NOL4: variants seen among roughly 807,000 people sequenced by gnomAD.
The protein encoded by NOL4 is nucleolar protein 4.
Under a neutral mutation model 75.9 loss-of-function variants are expected in NOL4, and 17 were observed. That is an observed-to-expected ratio of 0.22 (90% CI 0.15 to 0.34). NOL4 has a LOEUF of 0.34. Among genes scored for constraint, NOL4 ranks in the 10% least tolerant of loss-of-function variants. The pLI, the probability that NOL4 is intolerant of heterozygous loss-of-function variation, is 1.00. For missense variants in NOL4, 614 were observed against 793.5 expected (o/e 0.77, Z 2.72); for synonymous variants, 292 against 289.9 (o/e 1.01, Z -0.07).
rs1404819997 is a variant in NOL4 at position 34,223,071 on chromosome 18, G to A, written c.183C>T (p.Gly61=). ...CCTCGTCCGGCTGGCCCAGCTGGAAGCCCTTCGATTTGACCCAGAATTTAA... is the reference window on the plus strand; with the variant it reads ...CCTCGTCCGGCTGGCCCAGCTGGAAACCCTTCGATTTGACCCAGAATTTAA... The part of the protein sequence containing the change: ...AKFKFWVKSK[G]FQLGQPDEVR... The change falls in exon 1 of 11, where the codon GGC becomes GGT. Residue 61 remains glycine, a synonymous_variant. Transcript: ENST00000261592. The A allele has an allele frequency of 6.2e-7, 1 of 1,614,114 alleles. No individual in the cohort carries two copies. The highest frequency in any genetic ancestry group is 1.1e-5 in the South Asian group (1 of 91,084).
intron 9 of NOL4, among the ~76,000 whole-genome samples, chr18:33,924,646 C>T (rs1372794339): frequency 2.0e-5 from 3 of 152,180 alleles, no homozygotes; most frequent in Non-Finnish European, 4.4e-5. Flanking sequence ...AAAGGCAATG[C>T]TGTTTTATTC....
intron 9 of NOL4, among the ~76,000 whole-genome samples, chr18:33,933,703 C>T (rs958282561): frequency 1.8e-4 from 28 of 152,162 alleles, no homozygotes; most frequent in Non-Finnish European, 1.0e-4. Context: ...AATTCAGTCA[C>T]ATCTTCAGGC....
intron 6 of NOL4, among the ~76,000 whole-genome samples, chr18:34,005,651 C>T (rs1349342595): frequency 6.6e-6 from 1 of 152,070 alleles, no homozygotes; most frequent in Non-Finnish European, 1.5e-5. Context: ...CTGTCTCTTG[C>T]ATCCTCAAAC....
intron 8 of NOL4, among the ~76,000 whole-genome samples, chr18:33,956,263 C>T (rs2069638908): frequency 6.6e-6 from 1 of 152,132 alleles, no homozygotes; most frequent in African/African-American, 2.4e-5. Flanking sequence ...TTAATGGTTA[C>T]TTAACTCATT....
intron 5 of NOL4, among the ~76,000 whole-genome samples, chr18:34,030,079 T>C (rs867016622): frequency 1.3e-5 from 2 of 152,218 alleles, no homozygotes; most frequent in African/African-American, 2.4e-5. Flanking sequence ...TTCATTTATA[T>C]AATGAGTCCT....
intron 10 of NOL4, among the ~76,000 whole-genome samples, chr18:33,882,551 AAAC>A: frequency 6.6e-6 from 1 of 151,232 alleles, no homozygotes; most frequent in Admixed American, 6.6e-5. Flanking sequence ...AAAAGTCAGG[AAAC>A]AACAGGTGCT....
chr18:33,974,205 C>A (rs775452403), intron 6 of NOL4, among the ~76,000 whole-genome samples: 2 of 152,148 alleles, frequency 1.3e-5, no homozygotes, highest in Non-Finnish European at 2.9e-5. Flanking sequence ...TTCCTTAAAC[C>A]TTCTGAACCA....
At chr18:34,194,819 A>G (rs1447566326) in intron 1 of NOL4, among the ~76,000 whole-genome samples, 1 of 151,960 alleles carries the variant, frequency 6.6e-6, no homozygotes, top group Non-Finnish European at 1.5e-5. Context: ...GAGGTCGGGA[A>G]TTTGAGACCA....
chr18:34,055,698 ATCTCTC>A (rs1220385564), intron 5 of NOL4, among the ~76,000 whole-genome samples: 1 of 151,746 alleles, frequency 6.6e-6, no homozygotes, highest in South Asian at 2.1e-4. Flanking sequence ...CTGCCCCTTT[ATCTCTC>A]TCTCTGTCTC....
chr18:34,015,055 G>T (rs141364423), intron 6 of NOL4, among the ~76,000 whole-genome samples: 46 of 152,006 alleles, frequency 3.0e-4, no homozygotes, highest in African/African-American at 9.9e-4. Context: ...ACTTCAAAAG[G>T]TCACACAGAA....
intron 5 of NOL4, among the ~76,000 whole-genome samples, chr18:34,043,619 G>A (rs1223227909): frequency 6.6e-6 from 1 of 151,986 alleles, no homozygotes; most frequent in Non-Finnish European, 1.5e-5. Flanking sequence ...AATATTCCTT[G>A]ATCTTTCTTA....
At chr18:33,894,509 A>G (rs1454184750) in intron 9 of NOL4, among the ~76,000 whole-genome samples, 1 of 152,116 alleles carries the variant, frequency 6.6e-6, no homozygotes, top group Non-Finnish European at 1.5e-5. Flanking sequence ...GACAGATAAT[A>G]AGTAAATTCA....
intron 5 of NOL4, among the ~76,000 whole-genome samples, chr18:34,024,160 T>G: frequency 8.5e-6 from 1 of 117,756 alleles, no homozygotes; most frequent in East Asian, 2.1e-4. Flanking sequence ...TTAGGCCAAG[T>G]GCCTTAGGCA....
At chr18:33,884,162 A>G (rs1350520842) in intron 9 of NOL4, among the ~76,000 whole-genome samples, 2 of 152,256 alleles carry the variant, frequency 1.3e-5, no homozygotes, top group African/African-American at 2.4e-5. Flanking sequence ...AGATATTACA[A>G]TGGAAAATAA....
intron 10 of NOL4, among the ~76,000 whole-genome samples, chr18:33,880,036 T>G (rs2064165140): frequency 6.6e-6 from 1 of 152,132 alleles, no homozygotes; most frequent in Non-Finnish European, 1.5e-5. Flanking sequence ...ATTTGGATTT[T>G]TACTAAACCG....
chr18:33,853,018 T>G lies in NOL4; in HGVS notation c.1741A>C (p.Met581Leu), dbSNP rs2062688186. The change falls in exon 11 of 11, where the codon ATG (methionine) becomes CTG (leucine). Residue 581 changes from methionine to leucine, a missense_variant. By Grantham distance (15) the Met-to-Leu change is conservative. Around this residue, in one of 9 missense-constraint regions of NOL4, gnomAD observed 128 missense variants for 159.9 expected, o/e 0.80. Coordinates refer to ENST00000261592, the MANE Select transcript of NOL4 (RefSeq NM_003787.5). Reference protein sequence around the residue: ...ASSSGPTDLSMKRQLATSSGS... With the variant: ...ASSSGPTDLSLKRQLATSSGS... ...GAGCTAGTCGCCAATTGTCTCTTCA[T>G]GCTGAGATCAGTGGGTCCTAGAAAG... 3 of 1,611,722 alleles carry G rather than the reference T, an allele frequency of 1.9e-6. No homozygotes were observed. Among genetic ancestry groups the G allele is most frequent in the Non-Finnish European group, 1.7e-6 (2 of 1,178,902 alleles).
intron 5 of NOL4, among the ~76,000 whole-genome samples, chr18:34,029,045 A>G (rs1464073690): frequency 6.6e-6 from 1 of 152,096 alleles, no homozygotes; most frequent in Non-Finnish European, 1.5e-5. Flanking sequence ...AATTCATCAG[A>G]GAAAGCCAAG....
chr18:34,030,023 TG>T (rs2075556703), intron 5 of NOL4, among the ~76,000 whole-genome samples: 1 of 152,162 alleles, frequency 6.6e-6, no homozygotes, highest in African/African-American at 2.4e-5. Flanking sequence ...TAGTGGGAAA[TG>T]TACTATAATT....
At chr18:33,958,468 A>G (rs2069839062) in intron 6 of NOL4, 50 bp from the exon 7 acceptor site, 7 of 1,468,652 alleles carry the variant, frequency 4.8e-6, no homozygotes, top group African/African-American at 1.4e-5. Context: ...GCACAAGCTT[A>G]TAAGTTTTAT....
Sources: allele counts gnomAD v4.1 joint callset (sites outside exome capture counted in the v4.1 genomes callset), GRCh38; gene constraint gnomAD v4.1.1; regional missense constraint gnomAD v4.1.1; transcripts MANE v1.5; gene names NCBI Gene and HGNC (gene_info 2026-07-23, HGNC 2026-07-21).